The following MAGI2 variants were observed in gnomAD, a reference collection of about 807,000 sequenced individuals.
MAGI2 encodes the protein membrane associated guanylate kinase, WW and PDZ domain containing 2, also known as membrane-associated guanylate kinase, WW and PDZ domain-containing protein 2.
A neutral mutation model predicts 133.3 loss-of-function variants in MAGI2; 35 were observed. The ratio of observed to expected loss-of-function variants is 0.26; its 90% CI spans 0.20 to 0.35. The LOEUF is 0.35. Among genes scored for constraint, MAGI2 ranks in the 10% least tolerant of loss-of-function variants. The pLI is 1.00. For missense variants in MAGI2, 1,636 were observed against 1,863.4 expected (o/e 0.88, Z 2.25); for synonymous variants, 729 against 710.6 (o/e 1.03, Z -0.41).
chr7:78,685,542 A>T (rs1200311407), intron 2 of MAGI2, among the ~76,000 whole-genome samples: 1 of 151,102 alleles, frequency 6.6e-6, no homozygotes, highest in Non-Finnish European at 1.5e-5. Flanking sequence ...AACTACAAGA[A>T]CATAACTTTT....
intron 4 of MAGI2, among the ~76,000 whole-genome samples, chr7:78,508,949 T>C (rs1290251686): frequency 6.6e-6 from 1 of 151,836 alleles, no homozygotes; most frequent in African/African-American, 2.4e-5. Flanking sequence ...AGTGGCGATC[T>C]TGGCTCACTG....
intron 1 of MAGI2, among the ~76,000 whole-genome samples, chr7:79,322,733 C>G (rs1585565333): frequency 6.7e-6 from 1 of 149,346 alleles, no homozygotes; most frequent in Admixed American, 6.7e-5. Flanking sequence ...TTGCGGTGAG[C>G]TGAGATCATG....
At chr7:78,634,738 G>A (rs1434677419) in intron 2 of MAGI2, among the ~76,000 whole-genome samples, 4 of 152,138 alleles carry the variant, frequency 2.6e-5, no homozygotes, top group African/African-American at 9.7e-5. Context: ...GTAATAACAA[G>A]TAATTATCTA....
In MAGI2 at chr7:78,019,910, A is replaced by C. The variant is rs747661385; in HGVS notation, c.3773T>G (p.Leu1258Arg). 15 of 1,610,584 alleles carry C rather than the reference A, an allele frequency of 9.3e-6. No individual in the cohort carries two copies. In the Admixed American group the frequency reaches 1.2e-4, roughly 13 times the overall value. ...APGLPEVGVS[L>R]DDGLAPFSPS... ...AGAGAATGGAGCGAGGCCGTCGTCC[A>C]GGGAGACGCCTACTTCCGGCAGACC... Residue 1258 changes from leucine (L) to arginine (R), a missense_variant, in exon 22 of 22, where the codon CTG (leucine) becomes CGG (arginine). Around this residue, in one of 5 missense-constraint regions of MAGI2, gnomAD observed 354 missense variants for 298.7 expected, o/e 1.19. Coordinates refer to ENST00000354212, the MANE Select transcript of MAGI2 (RefSeq NM_012301.4).
At chr7:78,328,344 C>T (rs1788795806) in intron 9 of MAGI2, among the ~76,000 whole-genome samples, 1 of 152,032 alleles carries the variant, frequency 6.6e-6, no homozygotes, top group Admixed American at 6.6e-5. Context: ...TCTGTCACCA[C>T]TGATGTAGCC....
rs1408414056 is a variant in MAGI2, at chr7:78,018,456, C to T, written c.*859G>A. The T allele has an allele frequency of 1.3e-5, 2 of 152,154 alleles. No homozygotes were observed. The highest frequency in any genetic ancestry group is 4.8e-5 in the African/African-American group (2 of 41,424). 9.4% of individuals were successfully genotyped at this position (152,154 alleles called of 1,614,324 possible). A position where few individuals can be genotyped will look rare whatever the true frequency, so the allele number is the denominator to read the frequency against. On this transcript the variant is annotated 3_prime_UTR_variant, in exon 22 of 22. Transcript: ENST00000354212. ...TCTTCATAAAGGAACTGCAGCGTTG[C>T]CTATCTTGATTAAACAAATTGTGGT... is the stretch of plus-strand genomic sequence containing the variant.
Position 79,233,555 on chromosome 7 carries a change from T to A in MAGI2, c.301+219465A>T, listed in dbSNP as rs1172226443. 2.3e-4 allele frequency among the ~76,000 whole-genome samples: 5 copies of A among 21,682 alleles called. No individual in the cohort carries two copies. In the East Asian group the frequency reaches 4.9e-3, roughly 21 times the overall value. The allele number at this position is 21,682 out of a possible 152,430, so 14.2% of individuals were successfully genotyped here. ...TCCCTTTACCATTATGTAATGGCCT[T>A]CTTTGTCTCTTTTGATCTTTGTTGG... is the stretch of plus-strand genomic sequence containing the variant. On this transcript the variant is annotated intron_variant, in intron 1 of 21. Transcript: ENST00000354212.
intron 1 of MAGI2, among the ~76,000 whole-genome samples, chr7:79,035,321 G>T (rs1196265957): frequency 2.0e-5 from 3 of 152,026 alleles, no homozygotes; most frequent in African/African-American, 7.2e-5. Context: ...TTTGCTTTAT[G>T]AAATATTTGA....
At chr7:79,442,451 AGTGTGTGTGTGTGTGT>A (rs3028947) in intron 1 of MAGI2, among the ~76,000 whole-genome samples, 1 of 145,136 alleles carries the variant, frequency 6.9e-6, no homozygotes, top group East Asian at 2.0e-4. Flanking sequence ...GTGTTTGAAG[AGTGTGTGTGTGTGTGT>A]GTGTGTGTGT....
intron 1 of MAGI2, among the ~76,000 whole-genome samples, chr7:79,067,538 T>C (rs58013603): frequency 0.045 from 6,887 of 152,278 alleles, 248 homozygotes; most frequent in African/African-American, 0.089. Context: ...TATACAATCA[T>C]GTCAACTGCA....
Position 79,348,390 on chromosome 7 carries a change from G to A in MAGI2, c.301+104630C>T, listed in dbSNP as rs573317743. 3.3e-5 allele frequency among the ~76,000 whole-genome samples: 5 copies of A among 151,908 alleles called. No individual in the cohort carries two copies. In the East Asian group the frequency reaches 9.7e-4, roughly 29 times the overall value. Reference sequence around the variant, plus strand: ...ACCATTTAATGTGTATATAAGCTCTGACATTGTCTCCATTTTATTTATTAA... The same window carrying A: ...ACCATTTAATGTGTATATAAGCTCTAACATTGTCTCCATTTTATTTATTAA... On this transcript the variant is annotated intron_variant, in intron 1 of 21. Transcript: ENST00000354212.
intron 1 of MAGI2, among the ~76,000 whole-genome samples, chr7:79,344,027 C>A (rs749186639): frequency 2.6e-4 from 39 of 152,198 alleles, no homozygotes; most frequent in Middle Eastern, 3.4e-3. Context: ...AGTGTTACTT[C>A]CTAATTTTAT....
At chr7:78,213,735 T>C (rs1787995704) in intron 10 of MAGI2, among the ~76,000 whole-genome samples, 1 of 152,224 alleles carries the variant, frequency 6.6e-6, no homozygotes, top group Admixed American at 6.5e-5. Context: ...TTACTTTGCT[T>C]CTGTCCATAA....
chr7:79,428,741 T>C (rs748828926), intron 1 of MAGI2, among the ~76,000 whole-genome samples: 11 of 152,198 alleles, frequency 7.2e-5, no homozygotes, highest in Non-Finnish European at 1.5e-4. Flanking sequence ...AATACATCTA[T>C]ATTGCCTTTC....
At chr7:78,219,758 T>C (rs1788626872) in intron 10 of MAGI2, among the ~76,000 whole-genome samples, 1 of 152,170 alleles carries the variant, frequency 6.6e-6, no homozygotes, top group African/African-American at 2.4e-5. Flanking sequence ...CATTCCATCC[T>C]CCCTTTCACA....
intron 2 of MAGI2, among the ~76,000 whole-genome samples, chr7:78,850,725 T>A (rs558136777): frequency 1.3e-5 from 2 of 152,210 alleles, no homozygotes; most frequent in East Asian, 3.9e-4. Context: ...TCCCTGTCTC[T>A]GACTTATTTG....
In MAGI2 at chr7:79,077,591, A is replaced by AAT. The variant is rs1554351953; in HGVS notation, c.302-70386_302-70385insAT. Among the ~76,000 whole-genome samples the AAT allele has an allele frequency of 9.6e-5, 13 of 135,770 alleles. No homozygotes were observed. In the East Asian group the frequency reaches 1.5e-3, roughly 15 times the overall value. The allele number at this position is 135,770 out of a possible 152,430, so 89.1% of individuals were successfully genotyped here. ...CTGCCTCTCAAAAAAAAAAAAAAAAAAAAATAAATAAATAAATAAATTCCC... is the reference window on the plus strand; with the variant it reads ...CTGCCTCTCAAAAAAAAAAAAAAAAAATAAAATAAATAAATAAATAAATTCCC... On this transcript the variant is annotated intron_variant, in intron 1 of 21. Transcript: ENST00000354212.
chr7:78,185,615 T>C lies in MAGI2; in HGVS notation c.2311+14A>G. 6.4e-7 allele frequency: 1 copy of C among 1,573,662 alleles called. No homozygotes were observed. Among genetic ancestry groups the C allele is most frequent in the Non-Finnish European group, 8.7e-7 (1 of 1,152,912 alleles). On this transcript the variant is annotated intron_variant, in intron 13 of 21. Transcript: ENST00000354212. ...GTTTTGTTCACAGAACTGTGAGTAC[T>C]GAACAATACTTGCCAGAGGAATCCA... is the stretch of plus-strand genomic sequence containing the variant.
intron 3 of MAGI2, among the ~76,000 whole-genome samples, chr7:78,536,176 G>A (rs1312657660): frequency 2.2e-5 from 3 of 136,824 alleles, no homozygotes; most frequent in Admixed American, 7.5e-5. Context: ...GCAGTGGCGG[G>A]ATCTCGGCTC....
Sources: gnomAD v4.1 joint callset for allele counts (sites outside exome capture counted in the v4.1 genomes callset) on GRCh38, gnomAD v4.1.1 for gene constraint, gnomAD v4.1.1 regional missense constraint, MANE v1.5 for transcripts, NCBI Gene and HGNC (gene_info 2026-07-23, HGNC 2026-07-21) for gene names.